The following CRIM1 variants were observed in gnomAD, a reference collection of about 807,000 sequenced individuals.
CRIM1 encodes cysteine-rich motor neuron 1 protein.
A neutral mutation model predicts 116.4 loss-of-function variants in CRIM1; 32 were observed. The ratio of observed to expected loss-of-function variants is 0.27; its 90% CI spans 0.21 to 0.37. The LOEUF (loss-of-function observed/expected upper bound fraction) is 0.37. Ranked by LOEUF, CRIM1 falls within the 10% of genes least tolerant of loss-of-function variation. The probability of loss-of-function intolerance (pLI) is 1.00; values close to 1 mark genes in which losing one functional copy is unlikely to be tolerated. For synonymous variants in CRIM1, 590 were observed against 509.2 expected, an observed-to-expected ratio of 1.16 and a Z score of -2.13; for missense variants, 1,331 against 1,354.8, an observed-to-expected ratio of 0.98 and a Z score of 0.28.
rs750340175 is a variant in CRIM1 at position 36,356,289 on chromosome 2, G to A, written c.-4G>A. 3 of 1,479,282 alleles carry A rather than the reference G, an allele frequency of 2.0e-6. No individual in the cohort carries two copies. The highest frequency in any genetic ancestry group is 1.4e-5 in the African/African-American group (1 of 69,302). The allele number at this position is 1,479,282 out of a possible 1,614,324, so 91.6% of individuals were successfully genotyped here. ...CGAGGAGGAGGCGGCGGCGGCGCAGGAGGATGTACTTGGTGGCGGGGGACA... is the reference window on the plus strand; with the variant it reads ...CGAGGAGGAGGCGGCGGCGGCGCAGAAGGATGTACTTGGTGGCGGGGGACA... On this transcript the variant is annotated 5_prime_UTR_variant, in exon 1 of 17. Transcript: ENST00000280527. The surrounding 1 kb of genome is among the most constrained non-coding windows in gnomAD (Gnocchi z 4.3).
At position 36,486,441 on chromosome 2, in the gene CRIM1, T is replaced by C. The variant is rs115429789; in HGVS notation, c.1372+6747T>C. Among the ~76,000 whole-genome samples, 480 of 152,262 alleles carry C rather than the reference T, an allele frequency of 3.2e-3. 2 individuals are homozygous for C. The highest frequency in any genetic ancestry group is 0.011 in the African/African-American group (457 of 41,540). ...TAAGACTGTCATACTGAACCAAGTT[T>C]TACGAGTAAAAATGAAGATTGGTCT... On this transcript the variant is annotated intron_variant, in intron 7 of 16. Coordinates refer to ENST00000280527, the MANE Select transcript of CRIM1 (RefSeq NM_016441.3).
At chr2:36,450,679 AG>A (rs1452006527) in intron 4 of CRIM1, among the ~76,000 whole-genome samples, 1 of 152,216 alleles carries the variant, frequency 6.6e-6, no homozygotes, top group Admixed American at 6.5e-5. Context: ...ATAAGATAAA[AG>A]GAAGGATGGT....
chr2:36,445,005 GT>G (rs1676132565), intron 4 of CRIM1, among the ~76,000 whole-genome samples: 1 of 152,088 alleles, frequency 6.6e-6, no homozygotes, highest in Admixed American at 6.5e-5. Flanking sequence ...ACATACTGAT[GT>G]TTTTTTGTCT....
At chr2:36,479,883 A>G (rs1165928777) in intron 7 of CRIM1, among the ~76,000 whole-genome samples, 189 bp downstream of exon 7, 1 of 152,234 alleles carries the variant, frequency 6.6e-6, no homozygotes, top group Non-Finnish European at 1.5e-5. Context: ...TGAAATGAGA[A>G]TAGTGTGGTC....
At chr2:36,516,463 A>G (rs548995129) in intron 11 of CRIM1, among the ~76,000 whole-genome samples, 1 of 152,320 alleles carries the variant, frequency 6.6e-6, no homozygotes, top group African/African-American at 2.4e-5. Context: ...GCCCCTCTTC[A>G]GACATTTTCA....
At chr2:36,413,640 A>G (rs1207617182) in intron 2 of CRIM1, among the ~76,000 whole-genome samples, 2 of 152,232 alleles carry the variant, frequency 1.3e-5, no homozygotes, top group Admixed American at 6.5e-5. Context: ...ACACGTGCGT[A>G]TCAATGGATA....
chr2:36,357,823 G>C (rs972386386), intron 1 of CRIM1, among the ~76,000 whole-genome samples: 4 of 152,178 alleles, frequency 2.6e-5, no homozygotes, highest in African/African-American at 9.7e-5. Flanking sequence ...GCACCGTCCA[G>C]GGAACGGTTT....
chr2:36,441,154 G>T (rs143852431), intron 2 of CRIM1, 104 bp from the exon 3 acceptor site: 4 of 1,454,730 alleles, frequency 2.7e-6, no homozygotes, highest in Admixed American at 1.9e-5. Context: ...TTTCCCTACC[G>T]TCCTCTTTGG....
chr2:36,544,289 A>G, intron 14 of CRIM1, 87 bp from the exon 15 acceptor site: 1 of 1,190,098 alleles, frequency 8.4e-7, no homozygotes, highest in Non-Finnish European at 1.1e-6. Context: ...GTGGTCTTGA[A>G]TTGAGTGCAC....
intron 1 of CRIM1, among the ~76,000 whole-genome samples, chr2:36,358,912 C>A (rs1023678431): frequency 2.0e-5 from 3 of 152,148 alleles, no homozygotes; most frequent in African/African-American, 7.2e-5. Flanking sequence ...AGTGTTTTCA[C>A]TTAACGACAA....
At chr2:36,529,297 C>A (rs773866458) in intron 13 of CRIM1, 1 of 424,098 alleles carries the variant, frequency 2.4e-6, no homozygotes, top group Non-Finnish European at 4.9e-6. Flanking sequence ...GATAAAACAT[C>A]TTCTATAGGT....
At chr2:36,456,747 CT>C (rs1677164825) in intron 4 of CRIM1, among the ~76,000 whole-genome samples, 2 of 152,172 alleles carry the variant, frequency 1.3e-5, no homozygotes. Flanking sequence ...CCTGCGATTA[CT>C]TTCAGCTGTG....
chr2:36,546,780 T>G (rs1349005341), intron 15 of CRIM1, among the ~76,000 whole-genome samples: 2 of 149,434 alleles, frequency 1.3e-5, no homozygotes, highest in Admixed American at 1.3e-4. Flanking sequence ...TTTTTTTTTT[T>G]TTTTTTTTTT....
chr2:36,483,698 A>T (rs1186587865), intron 7 of CRIM1, among the ~76,000 whole-genome samples: 12 of 152,178 alleles, frequency 7.9e-5, no homozygotes, highest in Admixed American at 7.2e-4. Context: ...ACAACATGTG[A>T]TGTGTAAGTA....
At chr2:36,517,083 G>A (rs1202108109) in intron 11 of CRIM1, among the ~76,000 whole-genome samples, 1 of 152,154 alleles carries the variant, frequency 6.6e-6, no homozygotes, top group East Asian at 1.9e-4. Flanking sequence ...TGATCTTATT[G>A]AATTCTCTTA....
intron 4 of CRIM1, among the ~76,000 whole-genome samples, chr2:36,454,184 C>T (rs1676961829): frequency 6.6e-6 from 1 of 152,316 alleles, no homozygotes; most frequent in African/African-American, 2.4e-5. Flanking sequence ...CCCCAGTCCT[C>T]CTCTCAGTAC....
chr2:36,392,950 C>A (rs1329737762), intron 1 of CRIM1, among the ~76,000 whole-genome samples: 2 of 152,238 alleles, frequency 1.3e-5, no homozygotes, highest in African/African-American at 4.8e-5. Flanking sequence ...ACCTGAGCAT[C>A]TTCAGGTGAG....
At chr2:36,509,582 A>T (rs1198714010) in intron 8 of CRIM1, among the ~76,000 whole-genome samples, 3 of 152,220 alleles carry the variant, frequency 2.0e-5, no homozygotes, top group Admixed American at 2.0e-4. Context: ...GAAATAAAAC[A>T]TATAATGAAA....
intron 1 of CRIM1, among the ~76,000 whole-genome samples, chr2:36,362,500 G>C (rs1186478944): frequency 6.6e-6 from 1 of 152,174 alleles, no homozygotes; most frequent in Admixed American, 6.5e-5. Flanking sequence ...GTTTCCTTTT[G>C]AGAGTGATTT....
Sources: gnomAD v4.1 joint callset for allele counts (sites outside exome capture counted in the v4.1 genomes callset) on GRCh38, gnomAD v4.1.1 for gene constraint, Gnocchi (gnomAD v3.1) non-coding constraint, MANE v1.5 for transcripts, NCBI Gene and HGNC (gene_info 2026-07-23, HGNC 2026-07-21) for gene names.